GUCY2C: variants seen among roughly 807,000 people sequenced by gnomAD.
GUCY2C encodes the protein guanylyl cyclase C.
Under a neutral mutation model 131.1 loss-of-function variants are expected in GUCY2C, and 118 were observed. That is an observed-to-expected ratio of 0.90 (90% CI 0.78 to 1.05). GUCY2C has a LOEUF of 1.05. GUCY2C is among the 50% of genes least tolerant of loss of function. The pLI is 0.00. For synonymous variants in GUCY2C, 452 were observed against 457.8 expected, an observed-to-expected ratio of 0.99 and a Z score of 0.16; for missense variants, 1,161 against 1,304.4, an observed-to-expected ratio of 0.89 and a Z score of 1.69.
chr12:14,669,875 CATT>C (rs778678382), intron 9 of GUCY2C, 42 bp from the exon 10 acceptor site: 2 of 747,380 alleles, frequency 2.7e-6, no homozygotes, highest in Non-Finnish European at 4.6e-6. Flanking sequence ...AACAGTAAAA[CATT>C]ATAGAACAAA....
At chr12:14,682,962 G>A in intron 4 of GUCY2C, 80 bp downstream of exon 4, 1 of 883,152 alleles carries the variant, frequency 1.1e-6, no homozygotes. Flanking sequence ...AGGTGCATCT[G>A]GTAATAACTA....
At chr12:14,662,906 T>C (rs1413213187) in intron 10 of GUCY2C, among the ~76,000 whole-genome samples, 11 of 152,154 alleles carry the variant, frequency 7.2e-5, no homozygotes, top group Non-Finnish European at 1.5e-4. Flanking sequence ...ATTGTGGCAC[T>C]AACATCTTCA....
rs1315533128 is a variant in GUCY2C, at chr12:14,686,197, A to G, written c.359T>C (p.Ile120Thr). 1.1e-5 allele frequency: 17 copies of G among 1,608,726 alleles called. No individual in the cohort carries two copies. Among genetic ancestry groups the G allele is most frequent in the Non-Finnish European group, 1.4e-5 (17 of 1,175,108 alleles). ...GGTGGAGTATGTACATGAGGGCCCT[A>G]TGAGGACACAGCCCATCCGTTGTGC... ...SNAQRMGCVL[I>T]GPSCTYSTFQ... Residue 120 changes from isoleucine to threonine, a missense_variant, in exon 3 of 27, where the codon ATA (isoleucine) becomes ACA (threonine). Transcript: ENST00000261170.
chr12:14,658,734 C>A (rs1358714397), intron 11 of GUCY2C, among the ~76,000 whole-genome samples: 1 of 151,962 alleles, frequency 6.6e-6, no homozygotes, highest in Admixed American at 6.6e-5. Context: ...AGTTTTGAAG[C>A]TTGATTTTCA....
intron 10 of GUCY2C, among the ~76,000 whole-genome samples, chr12:14,662,404 G>A (rs773866306): frequency 1.3e-5 from 2 of 152,160 alleles, no homozygotes; most frequent in East Asian, 1.9e-4. Context: ...GGCCGGGTGC[G>A]GTGGCTCATA....
At chr12:14,668,835 G>T (rs1200389372) in intron 10 of GUCY2C, among the ~76,000 whole-genome samples, 1 of 152,040 alleles carries the variant, frequency 6.6e-6, no homozygotes, top group Non-Finnish European at 1.5e-5. Flanking sequence ...TGTGCAGCTT[G>T]CACGGGTGAA....
intron 19 of GUCY2C, among the ~76,000 whole-genome samples, chr12:14,638,631 C>A (rs1268943211): frequency 6.6e-6 from 1 of 152,142 alleles, no homozygotes; most frequent in East Asian, 1.9e-4. Context: ...ATCACATGTT[C>A]TCACTCATGC....
chr12:14,622,270 G>T, intron 21 of GUCY2C, 73 bp from the exon 22 acceptor site: 2 of 950,492 alleles, frequency 2.1e-6, no homozygotes, highest in Non-Finnish European at 1.5e-6. Context: ...AATCTTTCAG[G>T]TAGTAGTGAT....
intron 11 of GUCY2C, among the ~76,000 whole-genome samples, chr12:14,659,376 A>G (rs1441811543): frequency 6.6e-6 from 1 of 152,070 alleles, no homozygotes; most frequent in Non-Finnish European, 1.5e-5. Context: ...ACATACTGTC[A>G]TCTTTGTCAT....
Position 14,641,234 on chromosome 12 carries a change from A to G in GUCY2C, c.1931-15T>C, listed in dbSNP as rs1166693753. 6.2e-7 allele frequency: 1 copy of G among 1,612,256 alleles called. No homozygotes were observed. The highest frequency in any genetic ancestry group is 1.1e-5 in the South Asian group (1 of 91,016). On this transcript the variant is annotated splice_polypyrimidine_tract_variant and intron_variant, in intron 17 of 26. Coordinates refer to ENST00000261170, the MANE Select transcript of GUCY2C (RefSeq NM_004963.4). Reference sequence around the variant, plus strand: ...TGTCCACAGGTCTGTAAATGTAGACATTGAGATTACAAAGTTGAGGGGGGT... The same window carrying G: ...TGTCCACAGGTCTGTAAATGTAGACGTTGAGATTACAAAGTTGAGGGGGGT...
intron 20 of GUCY2C, among the ~76,000 whole-genome samples, chr12:14,626,353 C>T (rs1182028526): frequency 6.6e-6 from 1 of 151,844 alleles, no homozygotes; most frequent in Non-Finnish European, 1.5e-5. Flanking sequence ...CCCAACTTAA[C>T]CTCAGGACAA....
rs200118657 is a variant in GUCY2C at position 14,650,877 on chromosome 12, A to G, written c.1710+530T>C. Among the ~76,000 whole-genome samples the G allele has an allele frequency of 2.3e-4, 35 of 152,252 alleles. No homozygotes were observed. In the East Asian group the frequency reaches 6.0e-3, roughly 26 times the overall value. ...GCTATGTTTTTTTCTTGGAGGGTAGATTTGAGTTTATACCGCATAGTATGA... is the reference window on the plus strand; with the variant it reads ...GCTATGTTTTTTTCTTGGAGGGTAGGTTTGAGTTTATACCGCATAGTATGA... On this transcript the variant is annotated intron_variant, in intron 15 of 26. Coordinates refer to ENST00000261170, the MANE Select transcript of GUCY2C (RefSeq NM_004963.4).
chr12:14,616,698 TG>T lies in GUCY2C; in HGVS notation c.2904del (p.Ile969Ter). Reference sequence around the variant, plus strand: ...CACTCAGTTCTCTTCAGGATGGCTATGGTGGAGCCACTCACGTGAATTCTCA... The same window carrying T: ...CACTCAGTTCTCTTCAGGATGGCTATGTGGAGCCACTCACGTGAATTCTCA... ...LPLRIHVSGS[T>X]IAILKRTECQ... On this transcript the variant is annotated frameshift_variant, in exon 25 of 27. Transcript: ENST00000261170. LOFTEE classifies it high-confidence loss of function. 6.2e-7 allele frequency: 1 copy of T among 1,606,674 alleles called. No individual in the cohort carries two copies. The highest frequency in any genetic ancestry group is 8.5e-7 in the Non-Finnish European group (1 of 1,173,348).
chr12:14,620,501 T>A (rs756534303), intron 23 of GUCY2C, among the ~76,000 whole-genome samples: 1 of 152,234 alleles, frequency 6.6e-6, no homozygotes, highest in Non-Finnish European at 1.5e-5. Flanking sequence ...GTGTTAAATT[T>A]AATATGCATA....
In GUCY2C at chr12:14,686,190, G is replaced by T. The variant is rs140994811; in HGVS notation, c.366C>A (p.Pro122=). Residue 122 remains proline (P), a synonymous_variant, in exon 3 of 27, where the codon CCC becomes CCA. Coordinates refer to ENST00000261170, the MANE Select transcript of GUCY2C (RefSeq NM_004963.4). ...AQRMGCVLIG[P]SCTYSTFQMY... is the part of the protein sequence containing the mutation. ...TCTGGAAGGTGGAGTATGTACATGA[G>T]GGCCCTATGAGGACACAGCCCATCC... The T allele has an allele frequency of 1.7e-5, 28 of 1,607,720 alleles. No homozygotes were observed. The highest frequency in any genetic ancestry group is 3.3e-4 in the Middle Eastern group (2 of 6,068).
chr12:14,646,060 T>C (rs1947517118), intron 15 of GUCY2C, among the ~76,000 whole-genome samples: 1 of 152,250 alleles, frequency 6.6e-6, no homozygotes, highest in Admixed American at 6.5e-5. Flanking sequence ...GATCTCGAAC[T>C]CCTGGCCTCA....
chr12:14,669,186 C>A (rs1344318397), intron 10 of GUCY2C, among the ~76,000 whole-genome samples: 1 of 150,342 alleles, frequency 6.7e-6, no homozygotes, highest in Admixed American at 6.7e-5. Context: ...AGAATGTTTT[C>A]TTTCTTTCCT....
At chr12:14,650,279 C>T (rs772328517) in intron 15 of GUCY2C, among the ~76,000 whole-genome samples, 3 of 152,156 alleles carry the variant, frequency 2.0e-5, no homozygotes, top group Non-Finnish European at 4.4e-5. Context: ...GACGGAGTCT[C>T]GCTCTGTTGC....
intron 12 of GUCY2C, among the ~76,000 whole-genome samples, chr12:14,653,881 G>C (rs774446774): frequency 3.9e-5 from 6 of 152,178 alleles, no homozygotes; most frequent in Non-Finnish European, 8.8e-5. Flanking sequence ...AACAAATTAA[G>C]TATAGAAGGG....
Sources: gnomAD v4.1 joint callset for allele counts (sites outside exome capture counted in the v4.1 genomes callset) on GRCh38, gnomAD v4.1.1 for gene constraint, MANE v1.5 for transcripts, NCBI Gene and HGNC (gene_info 2026-07-23, HGNC 2026-07-21) for gene names.